Variants in PLAG1 observed in about 807,000 individuals in gnomAD.
The protein encoded by PLAG1 is zinc finger protein PLAG1.
PLAG1 carries 7 observed loss-of-function variants against 35.5 expected under a neutral mutation model. That is an observed-to-expected ratio of 0.20 (90% confidence interval 0.11 to 0.37). The LOEUF is 0.37. Ranked by LOEUF, PLAG1 falls within the 10% of genes least tolerant of loss-of-function variation. The pLI is 1.00. For synonymous variants in PLAG1, 229 were observed against 225.4 expected (o/e 1.02, Z -0.14); for missense variants, 454 against 602.8 (o/e 0.75, Z 2.58).
intron 2 of PLAG1, among the ~76,000 whole-genome samples, chr8:56,177,124 T>A (rs1433460951): frequency 6.6e-6 from 1 of 152,332 alleles, no homozygotes; most frequent in Admixed American, 6.5e-5. Context: ...TTTTAAGCCA[T>A]CTCAAAGTAA....
chr8:56,207,733 T>C (rs1305676518), intron 1 of PLAG1, among the ~76,000 whole-genome samples: 1 of 152,096 alleles, frequency 6.6e-6, no homozygotes. Flanking sequence ...CTGGTATAAT[T>C]TAATAGCTTC....
chr8:56,199,441 C>A (rs1812483162), intron 1 of PLAG1, among the ~76,000 whole-genome samples: 1 of 152,018 alleles, frequency 6.6e-6, no homozygotes, highest in East Asian at 1.9e-4. Flanking sequence ...AGCACATGGA[C>A]CACTCTTCCA....
At chr8:56,187,754 TATA>T (rs139452144) in intron 1 of PLAG1, among the ~76,000 whole-genome samples, 20,146 of 152,120 alleles carry the variant, frequency 0.13, 1,690 homozygotes, top group Middle Eastern at 0.19. Flanking sequence ...AAGGCTCATA[TATA>T]ATGAGATTTG....
chr8:56,196,803 C>T (rs568748347), intron 1 of PLAG1, among the ~76,000 whole-genome samples: 241 of 152,150 alleles, frequency 1.6e-3, no homozygotes, highest in African/African-American at 5.5e-3. Flanking sequence ...GTGTGTCCTC[C>T]TCTATGCATG....
chr8:56,166,780 G>A lies in PLAG1; in HGVS notation c.966C>T (p.Asp322=), dbSNP rs1365208765. Residue 322 remains aspartate, a synonymous_variant, in exon 5 of 5, where the codon GAC becomes GAT. Coordinates refer to ENST00000316981, the MANE Select transcript of PLAG1 (RefSeq NM_002655.3). ...AAAGGTGGTGAGAGGGATGAACAGT[G>A]TCCATATCTATTGGGCATGTCATTC... The part of the protein sequence containing the change: ...PLGMTCPIDM[D]TVHPSHHLSF... 1 of 1,614,006 alleles carries A rather than the reference G, an allele frequency of 6.2e-7. No individual in the cohort carries two copies. Among genetic ancestry groups the A allele is most frequent in the East Asian group, 2.2e-5 (1 of 44,870 alleles).
Position 56,174,363 on chromosome 8 carries a change from T to C in PLAG1, c.-216-3174A>G, listed in dbSNP as rs187667083. Among the ~76,000 whole-genome samples, 390 of 152,332 alleles carry C rather than the reference T, an allele frequency of 2.6e-3. 2 individuals are homozygous for C. Among genetic ancestry groups the C allele is most frequent in the African/African-American group, 8.9e-3 (370 of 41,590 alleles). ...GTCAGTTTTGAAGTAAGGGCAACAG[T>C]ATACTTAGAACATTTTTAAGAAATA... On this transcript the variant is annotated intron_variant, in intron 2 of 4. Coordinates refer to ENST00000316981, the MANE Select transcript of PLAG1 (RefSeq NM_002655.3).
At chr8:56,177,950 C>G in intron 2 of PLAG1, 1 of 686,636 alleles carries the variant, frequency 1.5e-6, no homozygotes. Context: ...GCCAGGGAGT[C>G]TCAGGCACGT....
At chr8:56,172,030 G>C (rs4604409) in intron 2 of PLAG1, among the ~76,000 whole-genome samples, 2 of 152,188 alleles carry the variant, frequency 1.3e-5, no homozygotes, top group Non-Finnish European at 1.5e-5. Flanking sequence ...CAAGGCATGA[G>C]AGATCAGTAA....
rs1414490794 is a variant in PLAG1, at chr8:56,163,868, G to C, written c.*2375C>G. On this transcript the variant is annotated 3_prime_UTR_variant, in exon 5 of 5. Coordinates refer to ENST00000316981, the MANE Select transcript of PLAG1 (RefSeq NM_002655.3). ...TACATTTTAAACAGAATAAAGTAGTGCTTCCACACTTGCTATTTGTGATTT... is the reference window on the plus strand; with the variant it reads ...TACATTTTAAACAGAATAAAGTAGTCCTTCCACACTTGCTATTTGTGATTT... The C allele has an allele frequency of 5.4e-6, 1 of 185,310 alleles. No homozygotes were observed. Among genetic ancestry groups the C allele is most frequent in the Non-Finnish European group, 1.1e-5 (1 of 87,286 alleles). The allele number at this position is 185,310 out of a possible 1,614,324, so 11.5% of individuals were successfully genotyped here. A position where few individuals can be genotyped will look rare whatever the true frequency, so the allele number is the denominator to read the frequency against.
At chr8:56,209,994 T>C (rs1812812958) in intron 1 of PLAG1, among the ~76,000 whole-genome samples, 2 of 152,148 alleles carry the variant, frequency 1.3e-5, no homozygotes, top group Non-Finnish European at 1.5e-5. Context: ...GCAAATATAG[T>C]GTTTATCTTA....
Position 56,166,929 on chromosome 8 carries a change from G to T in PLAG1, c.817C>A (p.Pro273Thr). 1.2e-6 allele frequency: 2 copies of T among 1,614,036 alleles called. No homozygotes were observed. The highest frequency in any genetic ancestry group is 1.7e-6 in the Non-Finnish European group (2 of 1,179,918). Residue 273 changes from proline (P) to threonine (T), a missense_variant, in exon 5 of 5, where the codon CCT becomes ACT. By Grantham distance (38) the Pro-to-Thr change is conservative (BLOSUM62 -1). This residue lies in a region of PLAG1 where 271 missense variants were observed against 315.6 expected (regional missense o/e 0.86). Coordinates refer to ENST00000316981, the MANE Select transcript of PLAG1 (RefSeq NM_002655.3). ...KDELLPVMSL[P>T]SSELLSKPFT... ...GGCTTTGATAACAGTTCACTGGAAG[G>T]TAAGGACATCACCGGAAGGAGCTCG...
chr8:56,202,451 G>GCA (rs1812581307), intron 1 of PLAG1, among the ~76,000 whole-genome samples: 1 of 152,202 alleles, frequency 6.6e-6, no homozygotes, highest in Admixed American at 6.5e-5. Context: ...GCCAATGGAA[G>GCA]CACACAAGTG....
At chr8:56,202,848 G>A (rs1289967434) in intron 1 of PLAG1, among the ~76,000 whole-genome samples, 2 of 152,146 alleles carry the variant, frequency 1.3e-5, no homozygotes, top group African/African-American at 4.8e-5. Flanking sequence ...TAAAATAACT[G>A]TCTGTCACCA....
chr8:56,204,394 A>G (rs1298554117), intron 1 of PLAG1, among the ~76,000 whole-genome samples: 1 of 151,884 alleles, frequency 6.6e-6, no homozygotes, highest in Non-Finnish European at 1.5e-5. Flanking sequence ...CACTTGAACT[A>G]TCTTAAGTTT....
At chr8:56,205,857 A>T (rs761045590) in intron 1 of PLAG1, among the ~76,000 whole-genome samples, 4 of 152,118 alleles carry the variant, frequency 2.6e-5, no homozygotes, top group Non-Finnish European at 4.4e-5. Context: ...GCATAAGTTC[A>T]TTCATTCTAC....
At chr8:56,173,190 T>A (rs908565846) in intron 2 of PLAG1, among the ~76,000 whole-genome samples, 1 of 152,180 alleles carries the variant, frequency 6.6e-6, no homozygotes, top group Non-Finnish European at 1.5e-5. Flanking sequence ...TTATGTATAT[T>A]GTGACATATT....
chr8:56,168,079 C>T lies in PLAG1; in HGVS notation c.191G>A (p.Cys64Tyr). The T allele has an allele frequency of 6.2e-7, 1 of 1,612,378 alleles. No individual in the cohort carries two copies. The highest frequency in any genetic ancestry group is 1.7e-5 in the Admixed American group (1 of 59,958). The change falls in exon 4 of 5, where the codon TGC becomes TAC. Residue 64 changes from cysteine to tyrosine, a missense_variant. Cys to Tyr is a radical substitution (Grantham distance 194, BLOSUM62 -2). Transcript: ENST00000316981. ...GGCCTTGGTGCAGTCTTGTTGTATG[C>T]ACTTGTAGGGCCTCTCTCCTGTGTG... ...YSHTGERPYK[C>Y]IQQDCTKAFV...
At chr8:56,177,806 G>A (rs1194706987) in intron 2 of PLAG1, among the ~76,000 whole-genome samples, 1 of 152,282 alleles carries the variant, frequency 6.6e-6, no homozygotes, top group Admixed American at 6.5e-5. Context: ...CAGAAGACAA[G>A]CCCCAGAGAA....
intron 1 of PLAG1, among the ~76,000 whole-genome samples, chr8:56,187,765 T>C (rs1016802855): frequency 1.3e-5 from 2 of 152,076 alleles, no homozygotes; most frequent in Admixed American, 6.5e-5. Flanking sequence ...ATAATGAGAT[T>C]TGTATTAAAA....
Sources: gnomAD v4.1 joint callset for allele counts (sites outside exome capture counted in the v4.1 genomes callset) on GRCh38, gnomAD v4.1.1 for gene constraint, gnomAD v4.1.1 regional missense constraint, MANE v1.5 for transcripts, NCBI Gene and HGNC (gene_info 2026-07-23, HGNC 2026-07-21) for gene names.